Variants in NAALADL2 observed in about 807,000 individuals in gnomAD.
The protein encoded by NAALADL2 is inactive N-acetylated-alpha-linked acidic dipeptidase-like protein 2.
In NAALADL2, 76 loss-of-function variants were observed where a neutral mutation model predicts 87.2. The observed-to-expected ratio is 0.87, with a 90% CI of 0.72 to 1.05. The LOEUF is 1.05. NAALADL2 is among the 50% of genes least tolerant of loss of function. The pLI is 0.00. For missense variants in NAALADL2, 1,089 were observed against 945.8 expected (o/e 1.15, Z -1.99); for synonymous variants, 354 against 331.0 (o/e 1.07, Z -0.75).
intron 1 of NAALADL2, among the ~76,000 whole-genome samples, chr3:175,036,730 A>G (rs1753453424): frequency 2.0e-5 from 3 of 150,702 alleles, no homozygotes; most frequent in Non-Finnish European, 3.0e-5. Flanking sequence ...TTGATGTTTT[A>G]CTACTTTAAA....
At chr3:175,264,405 A>G (rs1352247132) in intron 4 of NAALADL2, among the ~76,000 whole-genome samples, 1 of 151,842 alleles carries the variant, frequency 6.6e-6, no homozygotes, top group African/African-American at 2.4e-5. Flanking sequence ...GAGAAAGGGC[A>G]TGAATTTAAT....
intron 9 of NAALADL2, among the ~76,000 whole-genome samples, chr3:175,570,142 G>A (rs922443716): frequency 6.6e-6 from 1 of 152,208 alleles, no homozygotes; most frequent in Middle Eastern, 3.4e-3. Context: ...TTTTTGGGGG[G>A]TTCAGAACCA....
At chr3:175,599,113 C>T (rs1257690779) in intron 10 of NAALADL2, among the ~76,000 whole-genome samples, 2 of 152,134 alleles carry the variant, frequency 1.3e-5, no homozygotes, top group African/African-American at 4.8e-5. Flanking sequence ...AGCACCACTC[C>T]AGCAGTGATT....
At chr3:174,700,010 C>T (rs1729405716) in intron 2 of NAALADL2, among the ~76,000 whole-genome samples, 3 of 151,618 alleles carry the variant, frequency 2.0e-5, no homozygotes, top group South Asian at 2.1e-4. Context: ...TTCAATTCTC[C>T]CTCTTGTCTT....
chr3:175,178,295 A>T (rs190727829), intron 2 of NAALADL2, among the ~76,000 whole-genome samples: 35 of 152,202 alleles, frequency 2.3e-4, no homozygotes, highest in South Asian at 1.0e-3. Context: ...TAATAAAAAA[A>T]GGGTACATAT....
In NAALADL2 at chr3:175,234,075, T is replaced by A. The variant is rs1275879209; in HGVS notation, c.690T>A (p.Thr230=). ...LLDLPGPSPS[T]VTLSSSGQCF... is the part of the protein sequence containing the mutation. Reference sequence around the variant, plus strand: ...ATCTGCCAGGCCCTTCTCCCAGCACTGTGACTCTGAGCAGCAGTGGTCAAT... The same window carrying A: ...ATCTGCCAGGCCCTTCTCCCAGCACAGTGACTCTGAGCAGCAGTGGTCAAT... Residue 230 remains threonine (T), a synonymous_variant, in exon 3 of 14, where the codon ACT becomes ACA. Transcript: ENST00000454872. 1 of 1,613,792 alleles carries A rather than the reference T, an allele frequency of 6.2e-7. No homozygotes were observed. Among genetic ancestry groups the A allele is most frequent in the Non-Finnish European group, 8.5e-7 (1 of 1,179,854 alleles).
chr3:175,008,339 C>A (rs1181771599), intron 1 of NAALADL2, among the ~76,000 whole-genome samples: 4 of 152,154 alleles, frequency 2.6e-5, no homozygotes, highest in African/African-American at 9.7e-5. Flanking sequence ...TATGATCATG[C>A]CACTGCACCT....
chr3:175,359,109 C>G (rs1302744723), intron 5 of NAALADL2, among the ~76,000 whole-genome samples: 1 of 151,954 alleles, frequency 6.6e-6, no homozygotes, highest in Non-Finnish European at 1.5e-5. Flanking sequence ...TCATTGCAAG[C>G]AGAAAATGGA....
chr3:175,777,920 C>T (rs1363741238), intron 13 of NAALADL2, among the ~76,000 whole-genome samples: 1 of 152,166 alleles, frequency 6.6e-6, no homozygotes. Flanking sequence ...ATTTGCTTCT[C>T]TCAACCTACT....
At position 174,630,011 on chromosome 3, in the gene NAALADL2, C is replaced by A. The variant is rs550186404; in HGVS notation, c.-115+79374C>A. Among the ~76,000 whole-genome samples, 3 of 152,118 alleles carry A rather than the reference C, an allele frequency of 2.0e-5. No individual in the cohort carries two copies. The South Asian group carries it at 6.2e-4, about 32-fold the overall frequency. On this transcript the variant is annotated intron_variant, in intron 2 of 3. Transcript: ENST00000434257. ...TTTCAACGTAATATACCATTTGGGG[C>A]AGGTTTATGTATATTATGGCATAGT...
intron 1 of NAALADL2, among the ~76,000 whole-genome samples, chr3:174,507,658 A>T (rs547359261): frequency 6.6e-6 from 1 of 151,838 alleles, no homozygotes; most frequent in Non-Finnish European, 1.5e-5. Context: ...ACTACAGCAG[A>T]TAGTCTTTTA....
chr3:174,535,377 G>A (rs1463124112), intron 1 of NAALADL2, among the ~76,000 whole-genome samples: 1 of 152,160 alleles, frequency 6.6e-6, no homozygotes, highest in Non-Finnish European at 1.5e-5. Flanking sequence ...GATTTGCAAA[G>A]TGGCTCTTAG....
At chr3:174,959,492 A>T (rs919326592) in intron 1 of NAALADL2, among the ~76,000 whole-genome samples, 2 of 152,030 alleles carry the variant, frequency 1.3e-5, no homozygotes, top group Non-Finnish European at 2.9e-5. Flanking sequence ...TGAGTTCACA[A>T]AATTTAACAA....
chr3:175,716,485 C>A (rs1019265658), intron 11 of NAALADL2, among the ~76,000 whole-genome samples: 3 of 151,752 alleles, frequency 2.0e-5, no homozygotes, highest in African/African-American at 7.2e-5. Flanking sequence ...GTGTTTGACA[C>A]GGAAGCTTGA....
At chr3:175,477,256 C>T (rs1352046158) in intron 9 of NAALADL2, among the ~76,000 whole-genome samples, 1 of 152,116 alleles carries the variant, frequency 6.6e-6, no homozygotes, top group African/African-American at 2.4e-5. Context: ...AATGCATCAT[C>T]AAGCATCTTT....
intron 1 of NAALADL2, among the ~76,000 whole-genome samples, chr3:175,032,404 T>C (rs975978369): frequency 6.6e-6 from 1 of 152,030 alleles, no homozygotes; most frequent in South Asian, 2.1e-4. Context: ...CAGTGATTTC[T>C]TTTTTTATAT....
intron 2 of NAALADL2, among the ~76,000 whole-genome samples, chr3:175,172,539 C>T (rs1734998939): frequency 6.6e-6 from 1 of 152,122 alleles, no homozygotes; most frequent in South Asian, 2.1e-4. Context: ...ATATGTCACA[C>T]ATTTAATAAA....
intron 2 of NAALADL2, among the ~76,000 whole-genome samples, chr3:175,149,657 C>A (rs968766147): frequency 6.6e-6 from 1 of 152,078 alleles, no homozygotes; most frequent in African/African-American, 2.4e-5. Flanking sequence ...TATTTTCCTA[C>A]TTTTAGTAGT....
chr3:175,634,994 AG>A (rs1728310123), intron 11 of NAALADL2, among the ~76,000 whole-genome samples: 1 of 152,072 alleles, frequency 6.6e-6, no homozygotes, highest in Non-Finnish European at 1.5e-5. Flanking sequence ...GAGCTACTCA[AG>A]GGAGATAGTA....
Sources: allele counts gnomAD v4.1 joint callset (sites outside exome capture counted in the v4.1 genomes callset), GRCh38; gene constraint gnomAD v4.1.1; transcripts MANE v1.5; gene names NCBI Gene and HGNC (gene_info 2026-07-23, HGNC 2026-07-21).